Variants in GABBR2 observed in about 807,000 individuals in gnomAD.
The protein encoded by GABBR2 is gamma-aminobutyric acid type B receptor subunit 2.
GABBR2 carries 23 observed loss-of-function variants against 105.6 expected under a neutral mutation model. That is an observed-to-expected ratio of 0.22 (90% CI 0.16 to 0.31). The LOEUF (loss-of-function observed/expected upper bound fraction) is 0.31. Ranked by LOEUF, GABBR2 falls within the 10% of genes least tolerant of loss-of-function variation. The pLI is 1.00. For missense variants in GABBR2, 734 were observed against 1,245.5 expected (o/e 0.59, Z 6.18); for synonymous variants, 478 against 499.7 (o/e 0.96, Z 0.58).
At chr9:98,486,307 C>T (rs1827047555) in intron 4 of GABBR2, among the ~76,000 whole-genome samples, 1 of 152,216 alleles carries the variant, frequency 6.6e-6, no homozygotes, top group African/African-American at 2.4e-5. Context: ...GCTCAGCACT[C>T]AATCTGCAGC....
chr9:98,299,845 A>G (rs1441852576), intron 16 of GABBR2, among the ~76,000 whole-genome samples: 6 of 152,158 alleles, frequency 3.9e-5, no homozygotes, highest in African/African-American at 7.2e-5. Context: ...CTGAAACATA[A>G]TAAGGGCAAC....
chr9:98,606,483 C>CTTT (rs11452013), intron 1 of GABBR2, among the ~76,000 whole-genome samples: 12 of 130,502 alleles, frequency 9.2e-5, no homozygotes, highest in African/African-American at 1.5e-4. Flanking sequence ...TTTTTTTTTT[C>CTTT]TTTTTTTTTT....
intron 14 of GABBR2, among the ~76,000 whole-genome samples, chr9:98,309,124 A>C (rs1226866779): frequency 6.6e-6 from 1 of 152,186 alleles, no homozygotes. Context: ...AAGGGCCAGG[A>C]GGCTGGGGAC....
At chr9:98,625,594 A>G (rs897881505) in intron 1 of GABBR2, among the ~76,000 whole-genome samples, 1 of 152,204 alleles carries the variant, frequency 6.6e-6, no homozygotes, top group African/African-American at 2.4e-5. Context: ...ATGAGACAAC[A>G]GGGTGACCGT....
chr9:98,344,222 G>A (rs1221222437), intron 13 of GABBR2, among the ~76,000 whole-genome samples: 4 of 152,036 alleles, frequency 2.6e-5, no homozygotes, highest in Non-Finnish European at 5.9e-5. Flanking sequence ...TGCCCCATCT[G>A]AGTTCCCATC....
At chr9:98,555,746 G>A (rs1273551669) in intron 2 of GABBR2, 1 of 152,292 alleles carries the variant, frequency 6.6e-6, no homozygotes, top group Non-Finnish European at 1.5e-5. Flanking sequence ...GGGGTGCTGG[G>A]GCCCCAGCTC....
chr9:98,293,360 G>C (rs1245048748), intron 18 of GABBR2, among the ~76,000 whole-genome samples: 1 of 152,124 alleles, frequency 6.6e-6, no homozygotes, highest in East Asian at 1.9e-4. Flanking sequence ...CTCCTAGATA[G>C]AATGGAAGCT....
chr9:98,688,705 C>T (rs1830650923), intron 1 of GABBR2, among the ~76,000 whole-genome samples: 1 of 152,182 alleles, frequency 6.6e-6, no homozygotes, highest in Non-Finnish European at 1.5e-5. Context: ...CACTTCCTCT[C>T]TTAATTGTTC....
intron 18 of GABBR2, among the ~76,000 whole-genome samples, chr9:98,293,433 C>T (rs144615723): frequency 7.1e-4 from 108 of 152,294 alleles, no homozygotes; most frequent in African/African-American, 2.3e-3. Flanking sequence ...CTATGCCTGA[C>T]ATACAGGAGG....
intron 8 of GABBR2, among the ~76,000 whole-genome samples, chr9:98,395,602 G>T (rs1322686791): frequency 1.3e-5 from 2 of 152,134 alleles, no homozygotes; most frequent in East Asian, 1.9e-4. Context: ...CAGGAGCAGG[G>T]TGTTGGGAGG....
At chr9:98,696,265 A>T (rs1357503287) in intron 1 of GABBR2, among the ~76,000 whole-genome samples, 2 of 152,246 alleles carry the variant, frequency 1.3e-5, no homozygotes, top group Non-Finnish European at 2.9e-5. Context: ...GGCCCTGTGC[A>T]GGGAGGAGCA....
chr9:98,409,819 C>A (rs1832553749), intron 7 of GABBR2, among the ~76,000 whole-genome samples: 1 of 152,188 alleles, frequency 6.6e-6, no homozygotes, highest in African/African-American at 2.4e-5. Context: ...TCTCCCGCTG[C>A]CCAGCGCTAC....
chr9:98,571,430 T>G (rs1828828074), intron 2 of GABBR2, among the ~76,000 whole-genome samples: 1 of 152,168 alleles, frequency 6.6e-6, no homozygotes, highest in Non-Finnish European at 1.5e-5. Context: ...AGAGCCCAGG[T>G]GTCTGGGGGA....
intron 6 of GABBR2, among the ~76,000 whole-genome samples, chr9:98,455,687 T>C (rs1826313682): frequency 6.6e-6 from 1 of 152,234 alleles, no homozygotes; most frequent in Non-Finnish European, 1.5e-5. Flanking sequence ...GGGCCATGTC[T>C]AGTGTTTTTA....
Position 98,300,679 on chromosome 9 carries a change from G to A in GABBR2, c.2413-1326C>T, listed in dbSNP as rs181176858. On this transcript the variant is annotated intron_variant, in intron 16 of 18. Coordinates refer to ENST00000259455, the MANE Select transcript of GABBR2 (RefSeq NM_005458.8). ...TTGGGGCATTTTAGGCCTCAGGAGC[G>A]GGCCTCATGAAACAGAATCACTCTC... is the stretch of plus-strand genomic sequence containing the variant. 1.9e-3 allele frequency among the ~76,000 whole-genome samples: 284 copies of A among 152,230 alleles called. 2 individuals carry two copies. The highest frequency in any genetic ancestry group is 0.01 in the Middle Eastern group (3 of 294).
At chr9:98,535,363 A>C (rs2001992) in intron 3 of GABBR2, among the ~76,000 whole-genome samples, 13,459 of 152,082 alleles carry the variant, frequency 0.088, 808 homozygotes, top group South Asian at 0.16. Flanking sequence ...AGTCTCCCAG[A>C]GTGCTGGGAT....
chr9:98,383,774 G>A (rs1832023088), intron 11 of GABBR2, among the ~76,000 whole-genome samples: 1 of 152,232 alleles, frequency 6.6e-6, no homozygotes, highest in African/African-American at 2.4e-5. Flanking sequence ...AATCCTGGGA[G>A]CAAAATCCCC....
chr9:98,386,848 G>A (rs1588134466), intron 10 of GABBR2, among the ~76,000 whole-genome samples: 1 of 152,162 alleles, frequency 6.6e-6, no homozygotes, highest in East Asian at 1.9e-4. Context: ...TCTGTGAACT[G>A]CACCCCGGCT....
intron 3 of GABBR2, among the ~76,000 whole-genome samples, chr9:98,510,063 G>A (rs1827604445): frequency 6.6e-6 from 1 of 152,264 alleles, no homozygotes; most frequent in African/African-American, 2.4e-5. Context: ...CAGACTAACA[G>A]CTGATCTCTC....
Sources: allele counts gnomAD v4.1 joint callset (sites outside exome capture counted in the v4.1 genomes callset), GRCh38; gene constraint gnomAD v4.1.1; transcripts MANE v1.5; gene names NCBI Gene and HGNC (gene_info 2026-07-23, HGNC 2026-07-21).